The following SPINK8 variants were observed in gnomAD, a reference collection of about 807,000 sequenced individuals.
SPINK8 encodes serine peptidase inhibitor Kazal type 8 (putative).
SPINK8 carries 12 observed loss-of-function variants against 14.4 expected under a neutral mutation model. The observed-to-expected ratio is 0.83, with a 90% CI of 0.53 to 1.35. The LOEUF (loss-of-function observed/expected upper bound fraction) is 1.35, where lower values mean the gene tolerates loss of function less well. Among genes scored for constraint, SPINK8 ranks in the 40% most tolerant of loss-of-function variants. SPINK8 has a pLI of 0.00. For missense variants in SPINK8, 103 were observed against 117.0 expected, an observed-to-expected ratio of 0.88 and a Z score of 0.55; for synonymous variants, 32 against 37.6, an observed-to-expected ratio of 0.85 and a Z score of 0.55.
At chr3:48,331,290 A>G (rs552360325) in intron 2 of SPINK8, among the ~76,000 whole-genome samples, 34 of 152,290 alleles carry the variant, frequency 2.2e-4, no homozygotes, top group African/African-American at 7.9e-4. Flanking sequence ...AGCTACTGGT[A>G]GTATAGCGGC....
chr3:48,332,884 G>GA (rs71281885), intron 1 of SPINK8, among the ~76,000 whole-genome samples: 32,755 of 151,990 alleles, frequency 0.22, 4,350 homozygotes, highest in South Asian at 0.3. Flanking sequence ...GTCTGAGAGG[G>GA]AAAAAGGTAC....
At chr3:48,319,671 G>A in intron 5 of SPINK8, 53 bp from the exon 6 acceptor site, 1 of 1,609,672 alleles carries the variant, frequency 6.2e-7, no homozygotes, top group Non-Finnish European at 8.5e-7. Flanking sequence ...AGGTCCTTTG[G>A]CCGTTATTAT....
At position 48,309,953 on chromosome 3, in the gene SPINK8, G is replaced by T. The variant is rs567871797; in HGVS notation, c.240-7C>A. 688 of 1,413,352 alleles carry T rather than the reference G, an allele frequency of 4.9e-4. 7 individuals carry two copies. The South Asian group carries it at 9.0e-3, about 19-fold the overall frequency. The allele number at this position is 1,413,352 out of a possible 1,614,324, so 87.6% of individuals were successfully genotyped here. ...TATGTTAAGCCCTTCAAATCTGAAA[G>T]AAATTATATTTTAAAATTATTTTTG... On this transcript the variant is annotated splice_region_variant and splice_polypyrimidine_tract_variant and intron_variant, in intron 6 of 7. Coordinates refer to ENST00000434006, the MANE Select transcript of SPINK8 (RefSeq NM_001080525.3).
intron 6 of SPINK8, among the ~76,000 whole-genome samples, chr3:48,313,382 C>A (rs1376950959): frequency 6.6e-6 from 1 of 152,106 alleles, no homozygotes; most frequent in Non-Finnish European, 1.5e-5. Context: ...AGATGTCCAA[C>A]CTCATTAGTC....
intron 4 of SPINK8, among the ~76,000 whole-genome samples, chr3:48,327,667 C>T (rs2036165084): frequency 6.6e-6 from 1 of 152,016 alleles, no homozygotes; most frequent in Non-Finnish European, 1.5e-5. Flanking sequence ...AGGAGAGGGA[C>T]CAGGCTTATT....
intron 5 of SPINK8, among the ~76,000 whole-genome samples, chr3:48,319,829 C>T (rs931660589): frequency 6.6e-6 from 1 of 152,188 alleles, no homozygotes; most frequent in Non-Finnish European, 1.5e-5. Flanking sequence ...ACTCTCCAGA[C>T]TCCCATAAAT....
intron 4 of SPINK8, among the ~76,000 whole-genome samples, chr3:48,325,367 C>T (rs956891468): frequency 6.6e-6 from 1 of 151,172 alleles, no homozygotes; most frequent in Non-Finnish European, 1.5e-5. Flanking sequence ...TTTCTCAAGT[C>T]CTCCTTCACT....
At position 48,329,105 on chromosome 3, in the gene SPINK8, T is replaced by C. The variant is rs551832962; in HGVS notation, c.-14+48A>G. 8.7e-4 allele frequency among the ~76,000 whole-genome samples: 133 copies of C among 152,316 alleles called. 1 individual carries two copies. In the Middle Eastern group the frequency reaches 0.01, roughly 12 times the overall value. ...CTCCCCTGAGGAAAAAACCAAGTAA[T>C]AAATAATACAACCCTTAAAAGTTTG... On this transcript the variant is annotated intron_variant, in intron 3 of 7. Coordinates refer to ENST00000434006, the MANE Select transcript of SPINK8 (RefSeq NM_001080525.3).
chr3:48,333,310 C>G (rs1203251742), intron 1 of SPINK8, among the ~76,000 whole-genome samples: 3 of 152,058 alleles, frequency 2.0e-5, no homozygotes, highest in Non-Finnish European at 4.4e-5. Flanking sequence ...TCGTTTCTTT[C>G]TTAGCATCTG....
chr3:48,319,700 A>G (rs2036044695), intron 5 of SPINK8, 82 bp from the exon 6 acceptor site: 1 of 1,569,914 alleles, frequency 6.4e-7, no homozygotes, highest in South Asian at 1.2e-5. Context: ...TGGGAGGTGG[A>G]TGGAATACGA....
At chr3:48,321,124 T>G in intron 4 of SPINK8, 50 bp from the exon 5 acceptor site, 1 of 1,535,960 alleles carries the variant, frequency 6.5e-7, no homozygotes, top group South Asian at 1.2e-5. Flanking sequence ...TCTTCTGCCC[T>G]CAGCGAAAAA....
intron 7 of SPINK8, among the ~76,000 whole-genome samples, chr3:48,307,825 G>A (rs1030025673): frequency 6.6e-6 from 1 of 151,896 alleles, no homozygotes; most frequent in Admixed American, 6.6e-5. Flanking sequence ...TTTCTTCAAC[G>A]CTCTTCCCCA....
intron 6 of SPINK8, among the ~76,000 whole-genome samples, chr3:48,312,053 G>A (rs4371540): frequency 0.21 from 31,458 of 151,848 alleles, 4,211 homozygotes; most frequent in South Asian, 0.3. Flanking sequence ...AGGATTGTGT[G>A]GGCCTGGGAG....
intron 7 of SPINK8, among the ~76,000 whole-genome samples, chr3:48,309,323 A>C (rs956947455): frequency 6.6e-6 from 1 of 152,156 alleles, no homozygotes; most frequent in Non-Finnish European, 1.5e-5. Flanking sequence ...TCAGGGACAC[A>C]ATCTCTAGAC....
At chr3:48,327,104 G>T (rs1420703152) in intron 4 of SPINK8, among the ~76,000 whole-genome samples, 1 of 152,106 alleles carries the variant, frequency 6.6e-6, no homozygotes, top group Non-Finnish European at 1.5e-5. Context: ...AGTAGTAAGG[G>T]CCACATCACA....
At chr3:48,317,160 T>C (rs2036003960) in intron 6 of SPINK8, among the ~76,000 whole-genome samples, 1 of 152,174 alleles carries the variant, frequency 6.6e-6, no homozygotes, top group African/African-American at 2.4e-5. Flanking sequence ...CAAAAACAGT[T>C]CAAAGAAGGA....
chr3:48,318,876 G>A (rs1006065212), intron 6 of SPINK8, among the ~76,000 whole-genome samples: 1 of 152,182 alleles, frequency 6.6e-6, no homozygotes, highest in African/African-American at 2.4e-5. Context: ...CCTTAAAGGA[G>A]AAGGCAGATG....
rs60106004 is a variant in SPINK8 at position 48,325,427 on chromosome 3, A to AT, written c.67+2847dup. Among the ~76,000 whole-genome samples the AT allele has an allele frequency of 2.7e-3, 383 of 140,218 alleles. 2 individuals carry two copies. Among genetic ancestry groups the AT allele is most frequent in the South Asian group, 0.011 (50 of 4,444 alleles). 92.0% of individuals were successfully genotyped at this position (140,218 alleles called of 152,430 possible). On this transcript the variant is annotated intron_variant, in intron 4 of 7. Transcript: ENST00000434006. The stretch of plus-strand genomic sequence containing the variant: ...AGTATTTTTTTAATGTAACGTTGTA[A>AT]TTTTTTTTTTTTTTTGAGACAGCGG...
intron 5 of SPINK8, 76 bp from the exon 6 acceptor site, chr3:48,319,694 A>G (rs1252822254): frequency 4.4e-6 from 7 of 1,585,788 alleles, no homozygotes; most frequent in Non-Finnish European, 6.0e-6. Context: ...ATAGCTTGGG[A>G]GGTGGATGGA....
Sources: gnomAD v4.1 joint callset for allele counts (sites outside exome capture counted in the v4.1 genomes callset) on GRCh38, gnomAD v4.1.1 for gene constraint, MANE v1.5 for transcripts, NCBI Gene and HGNC (gene_info 2026-07-23, HGNC 2026-07-21) for gene names.